Variants in ARSG observed in about 807,000 individuals in gnomAD.
ARSG encodes ASG.
A neutral mutation model predicts 50.5 loss-of-function variants in ARSG; 37 were observed. The observed-to-expected ratio is 0.73, with a 90% CI of 0.56 to 0.96. The LOEUF (loss-of-function observed/expected upper bound fraction) is 0.96. Among genes scored for constraint, ARSG ranks in the 50% least tolerant of loss-of-function variants. The pLI, the probability that ARSG is intolerant of heterozygous loss-of-function variation, is 0.00. For synonymous variants in ARSG, 225 were observed against 254.6 expected (o/e 0.88, Z 1.11); for missense variants, 629 against 675.3 (o/e 0.93, Z 0.76).
At chr17:68,394,497 T>G (rs954136559) in intron 9 of ARSG, among the ~76,000 whole-genome samples, 8 of 151,942 alleles carry the variant, frequency 5.3e-5, no homozygotes, top group African/African-American at 1.9e-4. Flanking sequence ...ATCTTGTAGG[T>G]GTGGTGGTAC....
the ARSG span, among the ~76,000 whole-genome samples, chr17:68,429,484 A>G: frequency 6.6e-6 from 1 of 152,250 alleles, no homozygotes; most frequent in Non-Finnish European, 1.5e-5. Context: ...TATAACCAGA[A>G]GGCTAAAATT....
chr17:68,335,325 G>A (rs756490932), intron 2 of ARSG, among the ~76,000 whole-genome samples: 9 of 152,052 alleles, frequency 5.9e-5, no homozygotes, highest in East Asian at 1.9e-4. Flanking sequence ...AGGCCGAGAC[G>A]GGTGGATCGC....
At chr17:68,307,785 C>T in intron 2 of ARSG, 74 bp downstream of exon 2, 1 of 814,620 alleles carries the variant, frequency 1.2e-6, no homozygotes, top group South Asian at 1.6e-5. Flanking sequence ...AGGGGCCGTG[C>T]AAAGCACTTA....
the ARSG span, among the ~76,000 whole-genome samples, chr17:68,441,692 C>T: frequency 2.6e-5 from 4 of 152,130 alleles, no homozygotes; most frequent in Admixed American, 1.3e-4. Flanking sequence ...ATGGACAGGG[C>T]GGACCCACCT....
intron 6 of ARSG, among the ~76,000 whole-genome samples, chr17:68,357,824 G>T (rs1240175626): frequency 6.6e-6 from 1 of 152,154 alleles, no homozygotes; most frequent in Non-Finnish European, 1.5e-5. Context: ...TGTGAACCTG[G>T]AATATCACAT....
the ARSG span, among the ~76,000 whole-genome samples, chr17:68,427,948 G>C: frequency 6.6e-6 from 1 of 152,074 alleles, no homozygotes; most frequent in Non-Finnish European, 1.5e-5. Context: ...GCAGTGCAGT[G>C]GTGTGACCAC....
At chr17:68,383,415 G>A (rs1301968690) in intron 8 of ARSG, among the ~76,000 whole-genome samples, 1 of 152,194 alleles carries the variant, frequency 6.6e-6, no homozygotes, top group East Asian at 1.9e-4. Context: ...CTAATGGCTT[G>A]TTTCCTGGAA....
chr17:68,436,620 C>T, the ARSG span: 1 of 692,150 alleles, frequency 1.4e-6, no homozygotes, highest in Non-Finnish European at 2.4e-6. Context: ...CTGCTTTCCG[C>T]TGATGATTCT....
chr17:68,274,229 G>C lies in ARSG; in HGVS notation c.-552+14803G>C, dbSNP rs929015800. On this transcript the variant is annotated intron_variant, in intron 1 of 11. Transcript: ENST00000448504. ...GCCTGTAATCCCAGCACTTTGGGAG[G>C]TTGAGGACGGAGGATCGCTTGAGCC... 10 of 667,326 alleles carry C rather than the reference G, an allele frequency of 1.5e-5. No individual in the cohort carries two copies. In the South Asian group the frequency reaches 2.4e-4, roughly 16 times the overall value. The allele number at this position is 667,326 out of a possible 1,614,324, so 41.3% of individuals were successfully genotyped here.
downstream of ARSG, among the ~76,000 whole-genome samples, chr17:68,425,096 G>A (rs576626713): frequency 1.3e-5 from 2 of 152,180 alleles, no homozygotes; most frequent in Non-Finnish European, 2.9e-5. Flanking sequence ...AGCCAGCCCC[G>A]AGGGCCCTAG....
At chr17:68,356,985 G>A (rs938589984) in intron 6 of ARSG, among the ~76,000 whole-genome samples, 181 bp downstream of exon 6, 4 of 152,170 alleles carry the variant, frequency 2.6e-5, no homozygotes, top group Admixed American at 2.0e-4. Flanking sequence ...GGAAATCTGC[G>A]GTCCTGGATT....
chr17:68,307,265 C>A lies in ARSG; in HGVS notation c.-229C>A. 1.9e-6 allele frequency: 1 copy of A among 525,968 alleles called. No individual in the cohort carries two copies. The highest frequency in any genetic ancestry group is 2.9e-5 in the South Asian group (1 of 34,220). The allele number at this position is 525,968 out of a possible 1,614,324, so 32.6% of individuals were successfully genotyped here. On this transcript the variant is annotated 5_prime_UTR_variant, in exon 2 of 12. The change creates a new upstream start codon in the 5' untranslated region. Coordinates refer to ENST00000621439, the MANE Select transcript of ARSG (RefSeq NM_001267727.2). The stretch of plus-strand genomic sequence containing the variant: ...AGCCAAATGAGGGATTGCAAATTTC[C>A]TGATTCTTTTGAATTAGGATTCCAG...
At chr17:68,401,256 C>A in intron 10 of ARSG, 104 bp from the exon 11 acceptor site, 1 of 996,756 alleles carries the variant, frequency 1.0e-6, no homozygotes, top group Non-Finnish European at 1.5e-6. Flanking sequence ...CTCCTGGGCT[C>A]AAGTGATCCT....
intron 2 of ARSG, among the ~76,000 whole-genome samples, chr17:68,321,318 A>C (rs868931417): frequency 5.3e-5 from 8 of 152,236 alleles, no homozygotes; most frequent in Admixed American, 2.6e-4. Flanking sequence ...CCATGATCTC[A>C]ATGATCTCAC....
At chr17:68,276,376 C>A (rs1410490970) in intron 1 of ARSG, among the ~76,000 whole-genome samples, 1 of 152,190 alleles carries the variant, frequency 6.6e-6, no homozygotes, top group Non-Finnish European at 1.5e-5. Context: ...GCAATAACTT[C>A]AGAGATAACA....
At chr17:68,385,399 C>T (rs915567281) in intron 9 of ARSG, among the ~76,000 whole-genome samples, 3 of 151,488 alleles carry the variant, frequency 2.0e-5, no homozygotes, top group Non-Finnish European at 4.4e-5. Context: ...TGTGGAGGCT[C>T]GCTTCTGTAA....
At chr17:68,261,873 C>T (rs1555745227) in intron 1 of ARSG, among the ~76,000 whole-genome samples, 1 of 152,132 alleles carries the variant, frequency 6.6e-6, no homozygotes, top group African/African-American at 2.4e-5. Flanking sequence ...GTAAGAGAGG[C>T]TGGGCGTGGT....
the ARSG span, chr17:68,444,615 T>C: frequency 6.3e-7 from 1 of 1,591,840 alleles, no homozygotes; most frequent in African/African-American, 1.3e-5. Context: ...CTTATCAGTC[T>C]ACCGAACCGT....
At chr17:68,305,049 T>C (rs970885658) in intron 1 of ARSG, among the ~76,000 whole-genome samples, 4 of 152,124 alleles carry the variant, frequency 2.6e-5, no homozygotes, top group Non-Finnish European at 5.9e-5. Flanking sequence ...TGGCATACAC[T>C]TGTAATTCTA....
Sources: allele counts gnomAD v4.1 joint callset (sites outside exome capture counted in the v4.1 genomes callset), GRCh38; gene constraint gnomAD v4.1.1; transcripts MANE v1.5; gene names NCBI Gene and HGNC (gene_info 2026-07-23, HGNC 2026-07-21).